The following PRKCQ variants were observed in gnomAD, a reference collection of about 807,000 sequenced individuals.
PRKCQ encodes the protein protein kinase C theta type.
Under a neutral mutation model 91.2 loss-of-function variants are expected in PRKCQ, and 41 were observed. The ratio of observed to expected loss-of-function variants is 0.45; its 90% confidence interval spans 0.35 to 0.58. The LOEUF is 0.58. Among genes scored for constraint, PRKCQ ranks in the 20% least tolerant of loss-of-function variants. The pLI is 0.00. For synonymous variants in PRKCQ, 307 were observed against 316.9 expected (o/e 0.97, Z 0.33); for missense variants, 673 against 896.5 (o/e 0.75, Z 3.18).
the PRKCQ span, among the ~76,000 whole-genome samples, chr10:6,407,527 T>C: frequency 6.6e-6 from 1 of 151,762 alleles, no homozygotes; most frequent in Admixed American, 6.6e-5. The surrounding 1 kb of genome is among the most constrained non-coding windows in gnomAD (Gnocchi z 4.0). Flanking sequence ...GTGTCATGTG[T>C]ATGGTGTGTT....
chr10:6,447,406 CAAAAA>C (rs151312430), intron 15 of PRKCQ, among the ~76,000 whole-genome samples: 1 of 119,580 alleles, frequency 8.4e-6, no homozygotes, highest in Admixed American at 8.7e-5. Context: ...GACTCCACCT[CAAAAA>C]AAAAAAAAAA....
intron 1 of PRKCQ, 147 bp from the exon 2 acceptor site, chr10:6,515,291 C>T (rs1588368464): frequency 6.5e-7 from 1 of 1,529,282 alleles, no homozygotes; most frequent in South Asian, 1.2e-5. Context: ...TTTTCACTTC[C>T]CCTTCTGCAG....
chr10:6,450,283 C>T lies in PRKCQ; in HGVS notation c.1647+6391G>A, dbSNP rs1482961875. 5.7e-4 allele frequency among the ~76,000 whole-genome samples: 85 copies of T among 150,218 alleles called. 2 individuals are homozygous for T. The South Asian group carries it at 0.018, about 32-fold the overall frequency. On this transcript the variant is annotated intron_variant, in intron 15 of 17. Coordinates refer to ENST00000263125, the MANE Select transcript of PRKCQ (RefSeq NM_006257.5). ...AACAAAAAAAGGCAGGGGTTGCAAT[C>T]CTAGTCTCTGATAAAACAGACTTTA...
intron 1 of PRKCQ, among the ~76,000 whole-genome samples, chr10:6,535,217 T>G (rs928618784): frequency 6.6e-6 from 1 of 152,120 alleles, no homozygotes; most frequent in African/African-American, 2.4e-5. Flanking sequence ...TTGATAACAT[T>G]TGGTAATTTA....
At chr10:6,515,240 G>T in intron 1 of PRKCQ, 96 bp from the exon 2 acceptor site, 1 of 1,578,888 alleles carries the variant, frequency 6.3e-7, no homozygotes. Flanking sequence ...ATCATGGACA[G>T]CCAGAACCTC....
At chr10:6,466,661 TG>T (rs1835673861) in intron 12 of PRKCQ, among the ~76,000 whole-genome samples, 1 of 152,240 alleles carries the variant, frequency 6.6e-6, no homozygotes, top group South Asian at 2.1e-4. Context: ...TTTTAAAAGC[TG>T]AATCCAAAAT....
At chr10:6,549,953 T>A (rs1290489743) in intron 1 of PRKCQ, among the ~76,000 whole-genome samples, 1 of 151,960 alleles carries the variant, frequency 6.6e-6, no homozygotes, top group Admixed American at 6.6e-5. Context: ...TCTTAATCAT[T>A]TTCAATGTAT....
the PRKCQ span, among the ~76,000 whole-genome samples, chr10:6,413,731 G>GCA: frequency 0.43 from 31,479 of 73,456 alleles, 11,712 homozygotes; most frequent in East Asian, 0.82. Flanking sequence ...TTGTGCGCGC[G>GCA]CACACACACA....
chr10:6,413,589 CACACACACACACACACACTA>C, the PRKCQ span, among the ~76,000 whole-genome samples: 1 of 3,322 alleles, frequency 3.0e-4, no homozygotes, highest in African/African-American at 5.2e-4. Context: ...GCCACTTGTG[CACACACACACACACACACTA>C]GGAAGCACTG....
chr10:6,493,447 A>G (rs1427054398), intron 7 of PRKCQ, among the ~76,000 whole-genome samples: 1 of 152,180 alleles, frequency 6.6e-6, no homozygotes, highest in Non-Finnish European at 1.5e-5. Context: ...CCCTCATTCT[A>G]TTTATTTCTA....
chr10:6,545,055 T>C (rs771975346), intron 1 of PRKCQ, among the ~76,000 whole-genome samples: 8 of 151,988 alleles, frequency 5.3e-5, no homozygotes, highest in Non-Finnish European at 1.2e-4. Flanking sequence ...ATTTTTACGA[T>C]ACTGGGACTC....
intron 1 of PRKCQ, among the ~76,000 whole-genome samples, chr10:6,543,317 A>G (rs1839836490): frequency 6.6e-6 from 1 of 152,254 alleles, no homozygotes; most frequent in Non-Finnish European, 1.5e-5. Flanking sequence ...GGAGCAGCAC[A>G]GGCTTCCCTT....
intron 8 of PRKCQ, among the ~76,000 whole-genome samples, chr10:6,487,224 A>G (rs1390951374): frequency 6.6e-6 from 1 of 152,238 alleles, no homozygotes; most frequent in Non-Finnish European, 1.5e-5. Context: ...TCATAAAGAA[A>G]GTGATATTTC....
rs1330272019 is a variant in PRKCQ, at chr10:6,479,797, C to CAAAAAA, written c.1180-633_1180-632insTTTTTT. Among the ~76,000 whole-genome samples, 12 of 121,440 alleles carry CAAAAAA rather than the reference C, an allele frequency of 9.9e-5. 1 individual carries two copies. Among genetic ancestry groups the CAAAAAA allele is most frequent in the Non-Finnish European group, 1.4e-4 (8 of 59,138 alleles). The allele number at this position is 121,440 out of a possible 152,430, so 79.7% of individuals were successfully genotyped here. A position where few individuals can be genotyped will look rare whatever the true frequency, so the allele number is the denominator to read the frequency against. Reference sequence around the variant, plus strand: ...AAAAAAAAAAAAAAAAAAAAAAAATCCAAAAATTAGCCGGGCATGGTGGTG... The same window carrying CAAAAAA: ...AAAAAAAAAAAAAAAAAAAAAAAATCAAAAAACAAAAATTAGCCGGGCATGGTGGTG... On this transcript the variant is annotated intron_variant, in intron 11 of 17. Coordinates refer to ENST00000263125, the MANE Select transcript of PRKCQ (RefSeq NM_006257.5).
At chr10:6,467,335 C>CAGAGAGAGAGAGAGAGAGAGAGAGAG (rs1173010895) in intron 12 of PRKCQ, among the ~76,000 whole-genome samples, 1 of 103,308 alleles carries the variant, frequency 9.7e-6, no homozygotes, top group Non-Finnish European at 2.0e-5. Flanking sequence ...GAGAGACAGA[C>CAGAGAGAGAGAGAGAGAGAGAGAGAG]AGAGAGAGAG....
Position 6,428,263 on chromosome 10 carries a change from T to C in PRKCQ, c.2065A>G (p.Asn689Asp), listed in dbSNP as rs1390013588. The C allele has an allele frequency of 6.2e-7, 1 of 1,614,056 alleles. No homozygotes were observed. Among genetic ancestry groups the C allele is most frequent in the Non-Finnish European group, 8.5e-7 (1 of 1,180,040 alleles). The change falls in exon 18 of 18, where the codon AAT becomes GAT. Residue 689 changes from asparagine (N) to aspartate (D), a missense_variant. Coordinates refer to ENST00000263125, the MANE Select transcript of PRKCQ (RefSeq NM_006257.5). ...DRALINSMDQ[N>D]MFRNFSFMNP... Reference sequence around the variant, plus strand: ...ATGAAGGAAAAGTTCCTGAACATATTCTGGTCCATGCTGTTGATCAGTGCT... The same window carrying C: ...ATGAAGGAAAAGTTCCTGAACATATCCTGGTCCATGCTGTTGATCAGTGCT...
Position 6,579,649 on chromosome 10 carries a change from CTTTTTT to C in PRKCQ, c.-10+556_-10+561del, listed in dbSNP as rs5782914. ...TACAGGAATGAGCACGCAGATTTTT[CTTTTTT>C]TTTTTTTTTTGGTATCTTTCAAAGA... On this transcript the variant is annotated intron_variant, in intron 1 of 17. Transcript: ENST00000263125. Among the ~76,000 whole-genome samples the C allele has an allele frequency of 2.8e-3, 369 of 132,036 alleles. 2 individuals carry two copies. The highest frequency in any genetic ancestry group is 9.8e-3 in the South Asian group (38 of 3,886). The allele number at this position is 132,036 out of a possible 152,430, so 86.6% of individuals were successfully genotyped here.
At chr10:6,457,246 G>T (rs1285275258) in intron 14 of PRKCQ, among the ~76,000 whole-genome samples, 1 of 152,186 alleles carries the variant, frequency 6.6e-6, no homozygotes, top group African/African-American at 2.4e-5. Flanking sequence ...TTGAGAACCG[G>T]AATCCATCCA....
In PRKCQ at chr10:6,465,789, G is replaced by C. The variant is rs1428662892; in HGVS notation, c.1354-1385C>G. On this transcript the variant is annotated intron_variant, in intron 12 of 17. Transcript: ENST00000263125. This position sits in a 1 kb window ranked among gnomAD's most constrained non-coding sequence, Gnocchi z 4.4. ...AATTATCTCAATAATCCAGGTCAAGGTAAGCATCCGTCTTTTTTCAATGTT... is the reference window on the plus strand; with the variant it reads ...AATTATCTCAATAATCCAGGTCAAGCTAAGCATCCGTCTTTTTTCAATGTT... Among the ~76,000 whole-genome samples, 5 of 152,234 alleles carry C rather than the reference G, an allele frequency of 3.3e-5. No individual in the cohort carries two copies. The highest frequency in any genetic ancestry group is 3.3e-4 in the Admixed American group (5 of 15,284).
Sources: gnomAD v4.1 joint callset for allele counts (sites outside exome capture counted in the v4.1 genomes callset) on GRCh38, gnomAD v4.1.1 for gene constraint, Gnocchi (gnomAD v3.1) non-coding constraint, MANE v1.5 for transcripts, NCBI Gene and HGNC (gene_info 2026-07-23, HGNC 2026-07-21) for gene names.